CLTB: variants seen among roughly 807,000 people sequenced by gnomAD.
The protein encoded by CLTB is clathrin, light chain (Lcb).
CLTB carries 10 observed loss-of-function variants against 30.5 expected under a neutral mutation model. The ratio of observed to expected loss-of-function variants is 0.33; its 90% CI spans 0.20 to 0.56. The LOEUF (loss-of-function observed/expected upper bound fraction) is 0.56. Among genes scored for constraint, CLTB ranks in the 20% least tolerant of loss-of-function variants. The pLI, the probability that CLTB is intolerant of heterozygous loss-of-function variation, is 0.91. For missense variants in CLTB, 261 were observed against 308.3 expected (o/e 0.85, Z 1.15); for synonymous variants, 102 against 120.3 (o/e 0.85, Z 1.00).
chr5:176,392,705 G>T lies in CLTB; in HGVS notation c.*69C>A. On this transcript the variant is annotated 3_prime_UTR_variant, in exon 6 of 6. Coordinates refer to ENST00000310418, the MANE Select transcript of CLTB (RefSeq NM_007097.5). This position sits in a 1 kb window ranked among gnomAD's most constrained non-coding sequence, Gnocchi z 5.2. ...AGCAGCTGCTGCGAGTCTCCACCCC[G>T]ACCAAAGCAGCTGCTCCTCCTGTGC... 2.6e-6 allele frequency: 4 copies of T among 1,565,814 alleles called. No homozygotes were observed. The South Asian group carries it at 3.4e-5, about 13-fold the overall frequency.
intron 1 of CLTB, among the ~76,000 whole-genome samples, chr5:176,412,554 T>G (rs1209824757): frequency 1.3e-5 from 2 of 152,150 alleles, no homozygotes; most frequent in Admixed American, 1.3e-4. Flanking sequence ...GGAGGCCACA[T>G]GAGGTTAATA....
chr5:176,410,155 G>C, intron 2 of CLTB, 102 bp downstream of exon 2: 2 of 1,034,902 alleles, frequency 1.9e-6, no homozygotes, highest in Non-Finnish European at 2.9e-6. Flanking sequence ...CAGACATAAT[G>C]AACAGGAGAA....
At chr5:176,399,636 G>C (rs1240517803) in intron 2 of CLTB, among the ~76,000 whole-genome samples, 1 of 152,134 alleles carries the variant, frequency 6.6e-6, no homozygotes, top group Admixed American at 6.5e-5. Flanking sequence ...GCTCACGCCT[G>C]TAATTCCAGC....
chr5:176,397,776 C>T lies in CLTB; in HGVS notation c.353-58G>A, dbSNP rs906741362. ...TCCAGCTGGGATGCACAGGCCCGGCCGCGCTCCTCCCCTGGCCCCTGCCAG... is the reference window on the plus strand; with the variant it reads ...TCCAGCTGGGATGCACAGGCCCGGCTGCGCTCCTCCCCTGGCCCCTGCCAG... On this transcript the variant is annotated intron_variant, in intron 3 of 5. Transcript: ENST00000310418. The T allele has an allele frequency of 3.0e-5, 46 of 1,554,510 alleles. No individual in the cohort carries two copies. In the Admixed American group the frequency reaches 5.0e-4, roughly 17 times the overall value.
chr5:176,416,423 G>T lies in CLTB; in HGVS notation c.-60C>A. ...TCGGCTCTGCCCGCGCCTGCCCCGC[G>T]CTGCGTCCGGCGGCCGCGACGCTGT... On this transcript the variant is annotated 5_prime_UTR_variant, in exon 1 of 6. Coordinates refer to ENST00000310418, the MANE Select transcript of CLTB (RefSeq NM_007097.5). 1 of 1,358,270 alleles carries T rather than the reference G, an allele frequency of 7.4e-7. No homozygotes were observed. The highest frequency in any genetic ancestry group is 9.5e-7 in the Non-Finnish European group (1 of 1,049,768). 84.1% of individuals were successfully genotyped at this position (1,358,270 alleles called of 1,614,324 possible).
At chr5:176,401,677 G>A (rs184713619) in intron 2 of CLTB, 289 of 454,040 alleles carry the variant, frequency 6.4e-4, no homozygotes, top group Non-Finnish European at 1.1e-3. Context: ...TCACTCACTC[G>A]CTCGCCTTGT....
chr5:176,397,518 TGGCCCCCTCATGTCCCCAC>T (rs1231610401), intron 4 of CLTB, 70 bp downstream of exon 4: 3 of 87,734 alleles, frequency 3.4e-5, no homozygotes, highest in East Asian at 3.8e-4. Context: ...CATGTCCCCA[TGGCCCCCTCATGTCCCCAC>T]GGCCCCCTCA....
intron 5 of CLTB, among the ~76,000 whole-genome samples, chr5:176,394,632 G>A (rs1581421988): frequency 2.8e-5 from 4 of 144,892 alleles, no homozygotes; most frequent in East Asian, 4.1e-4. Flanking sequence ...GGCTAACACG[G>A]TGAAACCCCG....
In CLTB at chr5:176,403,301, C is replaced by T. The variant is rs142362581; in HGVS notation, c.235-5254G>A. 5.5e-3 allele frequency among the ~76,000 whole-genome samples: 839 copies of T among 152,228 alleles called. 9 individuals are homozygous for T. Among genetic ancestry groups the T allele is most frequent in the African/African-American group, 0.018 (761 of 41,536 alleles). Reference sequence around the variant, plus strand: ...CTGATCTCAGGTGATCCACCCACCTCGGCCTCCCAAAGTGCTGGGATTACA... The same window carrying T: ...CTGATCTCAGGTGATCCACCCACCTTGGCCTCCCAAAGTGCTGGGATTACA... On this transcript the variant is annotated intron_variant, in intron 2 of 5. Coordinates refer to ENST00000310418, the MANE Select transcript of CLTB (RefSeq NM_007097.5).
At chr5:176,409,561 C>A (rs1181740551) in intron 2 of CLTB, among the ~76,000 whole-genome samples, 3 of 151,958 alleles carry the variant, frequency 2.0e-5, no homozygotes, top group African/African-American at 4.8e-5. Flanking sequence ...TTACAGGCAC[C>A]TGCCACAATG....
chr5:176,398,961 G>T (rs1478839038), intron 2 of CLTB, among the ~76,000 whole-genome samples: 2 of 151,758 alleles, frequency 1.3e-5, no homozygotes, highest in Non-Finnish European at 2.9e-5. Context: ...TCCTACCTCA[G>T]CCTCCTGAGT....
chr5:176,403,358 C>T lies in CLTB; in HGVS notation c.235-5311G>A, dbSNP rs962621355. ...AGCTACTGCGCCTGGCCAAGCCTGC[C>T]CTAAATTAAGACTCCAGAGAACTTG... On this transcript the variant is annotated intron_variant, in intron 2 of 5. Coordinates refer to ENST00000310418, the MANE Select transcript of CLTB (RefSeq NM_007097.5). Among the ~76,000 whole-genome samples, 37 of 150,934 alleles carry T rather than the reference C, an allele frequency of 2.5e-4. 1 individual carries two copies. The highest frequency in any genetic ancestry group is 8.3e-4 in the African/African-American group (34 of 41,046).
chr5:176,406,142 C>G (rs1343055211), intron 2 of CLTB: 2 of 986,542 alleles, frequency 2.0e-6, no homozygotes, highest in African/African-American at 1.7e-5. Flanking sequence ...CACAACTGGG[C>G]TCTCGTTTAA....
chr5:176,400,863 C>T (rs1756782780), intron 2 of CLTB, among the ~76,000 whole-genome samples: 1 of 152,182 alleles, frequency 6.6e-6, no homozygotes, highest in Non-Finnish European at 1.5e-5. Context: ...AGCAAAGACC[C>T]CTGGAGCCAG....
chr5:176,410,308 A>G lies in CLTB; in HGVS notation c.188-5T>C. On this transcript the variant is annotated splice_region_variant and splice_polypyrimidine_tract_variant and intron_variant, in intron 1 of 5. Transcript: ENST00000310418. ...TCCCCATGTCCTCAGAACCAGCTGG[A>G]AAGAGAACAAGGAGATAGCATTACT... is the stretch of plus-strand genomic sequence containing the variant. 1 of 1,613,676 alleles carries G rather than the reference A, an allele frequency of 6.2e-7. No homozygotes were observed. The highest frequency in any genetic ancestry group is 8.5e-7 in the Non-Finnish European group (1 of 1,179,666).
chr5:176,415,997 G>A (rs1306190911), intron 1 of CLTB, among the ~76,000 whole-genome samples, 180 bp downstream of exon 1: 2 of 152,194 alleles, frequency 1.3e-5, no homozygotes, highest in African/African-American at 2.4e-5. Context: ...AGCCCCAGGC[G>A]AGGCCTCATC....
chr5:176,404,371 G>A (rs923567593), intron 2 of CLTB, among the ~76,000 whole-genome samples: 13 of 152,246 alleles, frequency 8.5e-5, no homozygotes, highest in Admixed American at 1.3e-4. Context: ...TGTGAGAAGC[G>A]TCCGGGGCTG....
Position 176,393,731 on chromosome 5 carries a change from CAGA to C in CLTB, c.519-789_519-787del, listed in dbSNP as rs1756361766. The stretch of plus-strand genomic sequence containing the variant: ...AGGATGAAAACTGGCGGTCCTTCAT[CAGA>C]AGTTCTGGTTGACAGTCACAGAAGC... On this transcript the variant is annotated intron_variant, in intron 5 of 5. Transcript: ENST00000310418. This position sits in a 1 kb window ranked among gnomAD's most constrained non-coding sequence, Gnocchi z 4.4. 6.6e-6 allele frequency among the ~76,000 whole-genome samples: 1 copy of C among 152,174 alleles called. No individual in the cohort carries two copies. Among genetic ancestry groups the C allele is most frequent in the African/African-American group, 2.4e-5 (1 of 41,436 alleles).
chr5:176,398,590 T>C (rs950627665), intron 2 of CLTB, among the ~76,000 whole-genome samples: 6 of 151,748 alleles, frequency 4.0e-5, no homozygotes, highest in African/African-American at 1.5e-4. Flanking sequence ...TGCATGCCTG[T>C]AATCCCAGCT....
Sources: gnomAD v4.1 joint callset for allele counts (sites outside exome capture counted in the v4.1 genomes callset) on GRCh38, gnomAD v4.1.1 for gene constraint, Gnocchi (gnomAD v3.1) non-coding constraint, MANE v1.5 for transcripts, NCBI Gene and HGNC (gene_info 2026-07-23, HGNC 2026-07-21) for gene names.